EXOC6B: variants seen among roughly 807,000 people sequenced by gnomAD.
EXOC6B encodes the protein SEC15 homolog B.
A neutral mutation model predicts 113.5 loss-of-function variants in EXOC6B; 54 were observed. That is an observed-to-expected ratio of 0.48 (90% CI 0.38 to 0.60). The LOEUF (loss-of-function observed/expected upper bound fraction) is 0.60. EXOC6B is among the 20% of genes least tolerant of loss of function. EXOC6B has a pLI of 0.00. For missense variants in EXOC6B, 797 were observed against 977.5 expected (o/e 0.82, Z 2.46); for synonymous variants, 357 against 339.0 (o/e 1.05, Z -0.58).
chr2:72,755,367 G>A lies in EXOC6B; in HGVS notation c.114-13898C>T, dbSNP rs146176509. Among the ~76,000 whole-genome samples the A allele has an allele frequency of 9.7e-4, 147 of 152,148 alleles. 1 individual carries two copies. Among genetic ancestry groups the A allele is most frequent in the African/African-American group, 3.0e-3 (124 of 41,530 alleles). On this transcript the variant is annotated intron_variant, in intron 1 of 21. Transcript: ENST00000272427. Reference sequence around the variant, plus strand: ...TACGGTGAACACTCTATACAGTAATGATTTATTTACATGTCTATCTCCCCT... The same window carrying A: ...TACGGTGAACACTCTATACAGTAATAATTTATTTACATGTCTATCTCCCCT...
rs71731573 is a variant in EXOC6B at position 72,176,279 on chromosome 2, G to GGAAGAA, written c.*3050_*3055dup. On this transcript the variant is annotated 3_prime_UTR_variant, in exon 22 of 22. Coordinates refer to ENST00000272427, the MANE Select transcript of EXOC6B (RefSeq NM_015189.3). ...CAGGCAAAAAAAAAAAAAACAAAAA[G>GGAAGAA]GAAGAAGAAGAAGAAGAAGAAGAGG... 6 of 148,192 alleles carry GGAAGAA rather than the reference G, an allele frequency of 4.0e-5. No homozygotes were observed. The highest frequency in any genetic ancestry group is 7.4e-5 in the Non-Finnish European group (5 of 67,132). 9.2% of individuals were successfully genotyped at this position (148,192 alleles called of 1,614,324 possible). A position where few individuals can be genotyped will look rare whatever the true frequency, so the allele number is the denominator to read the frequency against.
intron 6 of EXOC6B, among the ~76,000 whole-genome samples, chr2:72,605,900 C>T (rs1670724944): frequency 6.6e-6 from 1 of 152,114 alleles, no homozygotes; most frequent in Admixed American, 6.6e-5. Flanking sequence ...ATAAAGATAA[C>T]ACTCTCGATA....
intron 19 of EXOC6B, among the ~76,000 whole-genome samples, chr2:72,369,710 C>CATCT (rs769306444): frequency 2.0e-5 from 3 of 152,078 alleles, no homozygotes; most frequent in Non-Finnish European, 4.4e-5. Flanking sequence ...TAATACTACA[C>CATCT]ATCTACAACT....
At chr2:72,496,948 CATTATTATT>C (rs57708306) in intron 13 of EXOC6B, among the ~76,000 whole-genome samples, 8,869 of 137,782 alleles carry the variant, frequency 0.064, 622 homozygotes, top group African/African-American at 0.18. Flanking sequence ...TATAAATGTA[CATTATTATT>C]ATTATTATTA....
chr2:72,248,575 C>T (rs1379214785), intron 20 of EXOC6B, among the ~76,000 whole-genome samples: 1 of 152,098 alleles, frequency 6.6e-6, no homozygotes, highest in African/African-American at 2.4e-5. Context: ...TATTTGGGAA[C>T]ATCAAAAGTT....
chr2:72,793,974 C>T (rs927084617), intron 1 of EXOC6B, among the ~76,000 whole-genome samples: 3 of 152,166 alleles, frequency 2.0e-5, no homozygotes, highest in African/African-American at 7.2e-5. Flanking sequence ...CATGGTATGC[C>T]AGCAGGAGCT....
At chr2:72,255,109 A>G (rs780049537) in intron 20 of EXOC6B, among the ~76,000 whole-genome samples, 1 of 152,182 alleles carries the variant, frequency 6.6e-6, no homozygotes, top group Non-Finnish European at 1.5e-5. Context: ...CATGTGTCTC[A>G]TTGATCCACT....
intron 1 of EXOC6B, among the ~76,000 whole-genome samples, chr2:72,746,916 TAC>T (rs1258213583): frequency 6.6e-6 from 1 of 152,042 alleles, no homozygotes; most frequent in Non-Finnish European, 1.5e-5. Flanking sequence ...GCTCTCATTG[TAC>T]ACTCAAGGAA....
At chr2:72,495,620 A>C (rs1372336862) in intron 14 of EXOC6B, 81 bp from the exon 15 acceptor site, 1 of 773,718 alleles carries the variant, frequency 1.3e-6, no homozygotes, top group Non-Finnish European at 2.1e-6. Context: ...GGTTGCAAAA[A>C]GAACATTCTT....
chr2:72,496,430 A>G, intron 14 of EXOC6B, 24 bp downstream of exon 14: 1 of 1,439,442 alleles, frequency 6.9e-7, no homozygotes, highest in Non-Finnish European at 9.6e-7. Context: ...CAACCAGAGA[A>G]ATTTATTTTA....
intron 6 of EXOC6B, among the ~76,000 whole-genome samples, chr2:72,678,619 T>G (rs1306080344): frequency 2.6e-5 from 4 of 152,152 alleles, no homozygotes; most frequent in Non-Finnish European, 5.9e-5. Flanking sequence ...GGCACAAGAA[T>G]TGCTTGAGCC....
At chr2:72,588,744 C>T (rs1291252781) in intron 6 of EXOC6B, among the ~76,000 whole-genome samples, 2 of 151,640 alleles carry the variant, frequency 1.3e-5, no homozygotes, top group African/African-American at 4.8e-5. Flanking sequence ...GGTTTGACTC[C>T]AGATTATAAT....
intron 18 of EXOC6B, among the ~76,000 whole-genome samples, chr2:72,411,076 G>T (rs1441030217): frequency 6.6e-6 from 1 of 152,122 alleles, no homozygotes; most frequent in Non-Finnish European, 1.5e-5. Flanking sequence ...GGGTATGGTG[G>T]TGCACGCCTG....
At chr2:72,485,416 T>G (rs1699366714) in intron 16 of EXOC6B, among the ~76,000 whole-genome samples, 2 of 152,182 alleles carry the variant, frequency 1.3e-5, no homozygotes, top group Non-Finnish European at 1.5e-5. Context: ...ATGCCACCAA[T>G]GCCTCTCAAC....
At chr2:72,331,447 T>C (rs1342041634) in intron 20 of EXOC6B, among the ~76,000 whole-genome samples, 8 of 152,260 alleles carry the variant, frequency 5.3e-5, no homozygotes, top group Non-Finnish European at 5.9e-5. Flanking sequence ...TTTATTATAA[T>C]TCTCAATTAT....
chr2:72,571,630 T>C (rs1704516030), intron 7 of EXOC6B, among the ~76,000 whole-genome samples: 2 of 152,122 alleles, frequency 1.3e-5, no homozygotes, highest in African/African-American at 4.8e-5. Context: ...TTCAATAAGC[T>C]GAGGGTGGGG....
chr2:72,347,354 CT>C (rs1689398982), intron 19 of EXOC6B, among the ~76,000 whole-genome samples: 1 of 152,092 alleles, frequency 6.6e-6, no homozygotes, highest in Non-Finnish European at 1.5e-5. Context: ...TTTTACTATG[CT>C]TTTAAGAACT....
At chr2:72,655,102 C>T (rs1407415670) in intron 6 of EXOC6B, among the ~76,000 whole-genome samples, 2 of 152,112 alleles carry the variant, frequency 1.3e-5, no homozygotes, top group South Asian at 2.1e-4. Context: ...TTCCAACTTA[C>T]GTGAGACACA....
intron 20 of EXOC6B, among the ~76,000 whole-genome samples, chr2:72,276,393 T>A (rs190733673): frequency 6.6e-6 from 1 of 152,108 alleles, no homozygotes; most frequent in African/African-American, 2.4e-5. Context: ...GAGGTAGGTG[T>A]TTTCTCCAGA....
Sources: allele counts gnomAD v4.1 joint callset (sites outside exome capture counted in the v4.1 genomes callset), GRCh38; gene constraint gnomAD v4.1.1; transcripts MANE v1.5; gene names NCBI Gene and HGNC (gene_info 2026-07-23, HGNC 2026-07-21).